CPSF3: variants seen among roughly 807,000 people sequenced by gnomAD.
CPSF3 encodes the protein cleavage and polyadenylation specific factor 3.
In CPSF3, 57 loss-of-function variants were observed where a neutral mutation model predicts 84.1. That is an observed-to-expected ratio of 0.68 (90% CI 0.55 to 0.85). The LOEUF (loss-of-function observed/expected upper bound fraction) is 0.85, where lower values mean the gene tolerates loss of function less well. Ranked by LOEUF, CPSF3 falls within the 40% of genes least tolerant of loss-of-function variation. The pLI, the probability that CPSF3 is intolerant of heterozygous loss-of-function variation, is 0.00. For missense variants in CPSF3, 522 were observed against 838.8 expected, an observed-to-expected ratio of 0.62 and a Z score of 4.66; for synonymous variants, 275 against 278.1, an observed-to-expected ratio of 0.99 and a Z score of 0.11.
chr2:9,467,905 G>T (rs1682031348), intron 16 of CPSF3, 129 bp downstream of exon 16: 1 of 683,082 alleles, frequency 1.5e-6, no homozygotes, highest in Admixed American at 2.8e-5. Context: ...TCGGAGGCCT[G>T]CTTCTCTGTT....
chr2:9,472,824 G>C, intron 17 of CPSF3, 92 bp from the exon 18 acceptor site: 1 of 906,526 alleles, frequency 1.1e-6, no homozygotes, highest in East Asian at 2.6e-5. Context: ...AATTTTTTAT[G>C]AGATGATGGT....
At position 9,443,543 on chromosome 2, in the gene CPSF3, C is replaced by T. The variant is rs1184844864; in HGVS notation, c.1124C>T (p.Thr375Ile). ...KHIMSEPEEI[T>I]TMSGQKLPLK... Reference sequence around the variant, plus strand: ...ATCATGTCTGAACCTGAAGAAATCACTACTATGTCTGGACAGAAGTTACCA... The same window carrying T: ...ATCATGTCTGAACCTGAAGAAATCATTACTATGTCTGGACAGAAGTTACCA... The change falls in exon 10 of 18, where the codon ACT becomes ATT. Residue 375 changes from threonine to isoleucine, a missense_variant. Around this residue, in one of 2 missense-constraint regions of CPSF3, gnomAD observed 329 missense variants for 607.2 expected, o/e 0.54. Coordinates refer to ENST00000238112, the MANE Select transcript of CPSF3 (RefSeq NM_016207.4). The T allele has an allele frequency of 1.2e-6, 2 of 1,613,872 alleles. No individual in the cohort carries two copies. The highest frequency in any genetic ancestry group is 2.7e-5 in the African/African-American group (2 of 74,896).
intron 12 of CPSF3, among the ~76,000 whole-genome samples, chr2:9,454,293 A>C (rs1006439946): frequency 6.6e-6 from 1 of 152,134 alleles, no homozygotes; most frequent in Non-Finnish European, 1.5e-5. Context: ...CTGTAGTCCC[A>C]GCTACTTGGG....
chr2:9,441,821 A>G lies in CPSF3; in HGVS notation c.940A>G (p.Met314Val), dbSNP rs1242126311. ...VFKHISNLKS[M>V]DHFDDIGPSV... ...CCCATTCTGTTTTCTCTCTTAGAGC[A>G]TGGATCATTTTGATGACATTGGTCC... The change falls in exon 9 of 18, where the codon ATG (methionine) becomes GTG (valine). Residue 314 changes from methionine to valine, a missense_variant. Physicochemically the swap from Met to Val is conservative, Grantham distance 21. This residue lies in a region of CPSF3 where 329 missense variants were observed against 607.2 expected (regional missense o/e 0.54). Transcript: ENST00000238112. The G allele has an allele frequency of 1.9e-6, 3 of 1,614,114 alleles. No individual in the cohort carries two copies. Among genetic ancestry groups the G allele is most frequent in the South Asian group, 1.1e-5 (1 of 91,064 alleles).
chr2:9,426,969 G>T (rs753216592), intron 1 of CPSF3, among the ~76,000 whole-genome samples: 4 of 152,112 alleles, frequency 2.6e-5, no homozygotes, highest in African/African-American at 9.7e-5. Flanking sequence ...ATTGAGGAGC[G>T]AGTAGAAGGT....
intron 10 of CPSF3, among the ~76,000 whole-genome samples, chr2:9,444,127 C>G (rs961453021): frequency 6.4e-5 from 9 of 140,256 alleles, no homozygotes; most frequent in Admixed American, 2.9e-4. Flanking sequence ...ATAGTAAATG[C>G]TTAATATATA....
chr2:9,462,054 C>T (rs187148623), intron 15 of CPSF3, among the ~76,000 whole-genome samples: 96 of 152,164 alleles, frequency 6.3e-4, no homozygotes, highest in East Asian at 3.1e-3. Flanking sequence ...GCCACCGTGC[C>T]GGGCCTAGGA....
intron 7 of CPSF3, among the ~76,000 whole-genome samples, chr2:9,438,045 C>T (rs1389363064): frequency 1.6e-4 from 24 of 152,250 alleles, no homozygotes; most frequent in Admixed American, 1.4e-3. Context: ...ATGAGTGTCA[C>T]CTCTGTGCGA....
chr2:9,429,897 G>T, intron 2 of CPSF3, 26 bp from the exon 3 acceptor site: 2 of 1,452,698 alleles, frequency 1.4e-6, no homozygotes, highest in East Asian at 2.3e-5. Flanking sequence ...GCAGGAGATT[G>T]TGATCTCTTT....
chr2:9,464,290 GT>G (rs1681830254), intron 15 of CPSF3, among the ~76,000 whole-genome samples: 1 of 151,980 alleles, frequency 6.6e-6, no homozygotes, highest in Non-Finnish European at 1.5e-5. Flanking sequence ...ATAGTTCTGT[GT>G]TTAATATGAT....
At chr2:9,432,902 T>A (rs772458862) in intron 5 of CPSF3, among the ~76,000 whole-genome samples, 28 of 152,108 alleles carry the variant, frequency 1.8e-4, no homozygotes, top group South Asian at 6.2e-4. Context: ...GAAAAAAAAA[T>A]TTTTAAAGAC....
chr2:9,445,334 C>T (rs1260905650), intron 10 of CPSF3, among the ~76,000 whole-genome samples: 3 of 152,164 alleles, frequency 2.0e-5, no homozygotes, highest in Admixed American at 1.3e-4. Flanking sequence ...ATATGTAGAC[C>T]ACATGTTGTT....
intron 12 of CPSF3, 57 bp downstream of exon 12, chr2:9,453,078 A>AG (rs1681393575): frequency 9.3e-7 from 1 of 1,072,642 alleles, no homozygotes; most frequent in East Asian, 2.5e-5. Context: ...AAGAAAATCT[A>AG]TGAAAACTTC....
chr2:9,469,921 A>T (rs4594414), intron 16 of CPSF3, among the ~76,000 whole-genome samples: 15 of 152,198 alleles, frequency 9.9e-5, no homozygotes, highest in African/African-American at 3.6e-4. Context: ...TGTTTAAAAT[A>T]TAATTTTTTT....
chr2:9,448,847 G>C (rs898856251), intron 11 of CPSF3, among the ~76,000 whole-genome samples: 4 of 152,074 alleles, frequency 2.6e-5, no homozygotes, highest in African/African-American at 9.7e-5. Flanking sequence ...GAGCCACCGT[G>C]CCCGGCCTAG....
rs377437777 is a variant in CPSF3, at chr2:9,455,672, G to C, written c.1518G>C (p.Leu506=). The change falls in exon 13 of 18, where the codon CTG becomes CTC. Residue 506 remains leucine (L), a synonymous_variant. Coordinates refer to ENST00000238112, the MANE Select transcript of CPSF3 (RefSeq NM_016207.4). ...SPCDLSNYTD[L]AMSTVKQTQA... ...TTTTCTCTTCAGATTATACTGACCT[G>C]GCCATGAGCACGGTGAAGCAGACCC... 1.2e-6 allele frequency: 2 copies of C among 1,613,226 alleles called. No homozygotes were observed. The highest frequency in any genetic ancestry group is 1.7e-6 in the Non-Finnish European group (2 of 1,179,388).
In CPSF3 at chr2:9,427,409, T is replaced by G. The variant is rs75688455; in HGVS notation, c.51-1356T>G. Among the ~76,000 whole-genome samples, 385 of 152,082 alleles carry G rather than the reference T, an allele frequency of 2.5e-3. 2 individuals carry two copies. Among genetic ancestry groups the G allele is most frequent in the African/African-American group, 8.9e-3 (370 of 41,468 alleles). On this transcript the variant is annotated intron_variant, in intron 1 of 17. Transcript: ENST00000238112. ...CTCAAGTGAAGAAGAGGATAGAAGG[T>G]TGGAAAATTTGGGAAAGGGAAGAAA...
At chr2:9,466,342 G>GCGCGCACGCACACA (rs1553348590) in intron 15 of CPSF3, among the ~76,000 whole-genome samples, 1 of 89,082 alleles carries the variant, frequency 1.1e-5, no homozygotes, top group African/African-American at 3.4e-5. Context: ...ACGCACACAC[G>GCGCGCACGCACACA]CGCGCGCGCG....
Position 9,432,491 on chromosome 2 carries a change from T to C in CPSF3, c.342-20T>C, listed in dbSNP as rs745655064. 1.4e-6 allele frequency: 2 copies of C among 1,432,586 alleles called. No individual in the cohort carries two copies. The highest frequency in any genetic ancestry group is 3.5e-5 in the South Asian group (2 of 57,426). 88.7% of individuals were successfully genotyped at this position (1,432,586 alleles called of 1,614,324 possible). ...AAATCTGACTCTTAATTGTTTTTGC[T>C]GGCATCTTTCAAAATTTAGTAACAT... is the stretch of plus-strand genomic sequence containing the variant. On this transcript the variant is annotated intron_variant, in intron 4 of 17. Transcript: ENST00000238112.
Sources: allele counts gnomAD v4.1 joint callset (sites outside exome capture counted in the v4.1 genomes callset), GRCh38; gene constraint gnomAD v4.1.1; regional missense constraint gnomAD v4.1.1; transcripts MANE v1.5; gene names NCBI Gene and HGNC (gene_info 2026-07-23, HGNC 2026-07-21).